The following ADGRL2 variants were observed in gnomAD, a reference collection of about 807,000 sequenced individuals.
ADGRL2 encodes calcium-independent alpha-latrotoxin receptor 2.
In ADGRL2, 44 loss-of-function variants were observed where a neutral mutation model predicts 157.4. The observed-to-expected ratio is 0.28, with a 90% CI of 0.22 to 0.36. The LOEUF (loss-of-function observed/expected upper bound fraction) is 0.36, where lower values mean the gene tolerates loss of function less well. ADGRL2 is among the 10% of genes least tolerant of loss of function. The probability of loss-of-function intolerance (pLI) is 1.00; values close to 1 mark genes in which losing one functional copy is unlikely to be tolerated. For missense variants in ADGRL2, 1,510 were observed against 1,768.9 expected (o/e 0.85, Z 2.63); for synonymous variants, 585 against 624.7 (o/e 0.94, Z 0.95).
At chr1:81,437,287 C>CA (rs35785361) in intron 1 of ADGRL2, among the ~76,000 whole-genome samples, 5,258 of 151,362 alleles carry the variant, frequency 0.035, 101 homozygotes, top group Middle Eastern at 0.065. Flanking sequence ...ACTGTTTTTA[C>CA]AAAAAAAAGG....
chr1:81,677,990 T>C (rs1191494344), intron 3 of ADGRL2, among the ~76,000 whole-genome samples: 2 of 152,230 alleles, frequency 1.3e-5, no homozygotes, highest in East Asian at 3.9e-4. Context: ...TTGCACTTGC[T>C]GTTCCCTTTT....
At chr1:81,392,219 C>T (rs2076572317) in intron 1 of ADGRL2, among the ~76,000 whole-genome samples, 1 of 74,968 alleles carries the variant, frequency 1.3e-5, no homozygotes, top group Non-Finnish European at 3.2e-5. Context: ...CCTCCTACCC[C>T]ATCCCCACAA....
intron 2 of ADGRL2, among the ~76,000 whole-genome samples, chr1:81,875,658 G>A (rs1571851522): frequency 6.6e-6 from 1 of 152,176 alleles, no homozygotes; most frequent in South Asian, 2.1e-4. Context: ...CTTCTTACAT[G>A]TCCATAATGG....
intron 11 of ADGRL2, among the ~76,000 whole-genome samples, chr1:81,959,510 T>A (rs1654641775): frequency 6.6e-6 from 1 of 152,118 alleles, no homozygotes; most frequent in South Asian, 2.1e-4. Flanking sequence ...TTTTAAAAAT[T>A]CACCTTACTG....
rs371727658 is a variant in ADGRL2 at position 81,819,050 on chromosome 1, TA to T, written c.-100-17834del. On this transcript the variant is annotated intron_variant, in intron 1 of 23. Transcript: ENST00000686636. ...AGCCTGCTCTTTTAAGATTCTCTTG[TA>T]GGCCACAAAATGTTGTTGATATTTT... Among the ~76,000 whole-genome samples the T allele has an allele frequency of 1.2e-3, 178 of 152,280 alleles. 7 individuals are homozygous for T. In the South Asian group the frequency reaches 0.034, roughly 29 times the overall value.
chr1:81,432,460 G>C (rs1420583587), intron 1 of ADGRL2, among the ~76,000 whole-genome samples: 1 of 152,214 alleles, frequency 6.6e-6, no homozygotes, highest in Non-Finnish European at 1.5e-5. Context: ...ACTGTTTTCT[G>C]TAATTATGTT....
intron 3 of ADGRL2, among the ~76,000 whole-genome samples, chr1:81,620,547 C>A (rs2081767865): frequency 6.6e-6 from 1 of 152,228 alleles, no homozygotes; most frequent in African/African-American, 2.4e-5. Flanking sequence ...ATAGTCTCAT[C>A]TAAAACATAG....
At chr1:81,649,773 T>A (rs550112006) in intron 3 of ADGRL2, among the ~76,000 whole-genome samples, 1 of 152,148 alleles carries the variant, frequency 6.6e-6, no homozygotes, top group African/African-American at 2.4e-5. Context: ...AAGGTCATGA[T>A]GAGGAGCACA....
At chr1:81,696,223 A>AT (rs904144516), upstream of ADGRL2, among the ~76,000 whole-genome samples, 10 of 151,466 alleles carry the variant, frequency 6.6e-5, no homozygotes, top group East Asian at 1.9e-4. Flanking sequence ...GGCTATGTAG[A>AT]TTTTTTTTTC....
At chr1:81,404,940 T>C (rs1331276979) in intron 1 of ADGRL2, among the ~76,000 whole-genome samples, 1 of 152,204 alleles carries the variant, frequency 6.6e-6, no homozygotes, top group Non-Finnish European at 1.5e-5. Flanking sequence ...TAATTGACTA[T>C]AAATATGGCT....
chr1:81,557,505 GA>G (rs113535247), intron 2 of ADGRL2: 5 of 98,046 alleles, frequency 5.1e-5, no homozygotes, highest in African/African-American at 2.0e-4. Context: ...AAGAAAGAAA[GA>G]AAGAAAGAAA....
intron 3 of ADGRL2, among the ~76,000 whole-genome samples, chr1:81,677,527 G>C (rs2083022130): frequency 6.6e-6 from 1 of 152,154 alleles, no homozygotes. Flanking sequence ...TTTTCCCTTA[G>C]AAGCATCACC....
intron 1 of ADGRL2, among the ~76,000 whole-genome samples, chr1:81,710,589 C>T (rs980607014): frequency 2.7e-5 from 4 of 146,992 alleles, no homozygotes; most frequent in Non-Finnish European, 4.5e-5. Flanking sequence ...CACTGCACTC[C>T]AGCCTGGGTG....
intron 1 of ADGRL2, among the ~76,000 whole-genome samples, chr1:81,801,861 G>A (rs2088217439): frequency 1.3e-5 from 2 of 152,126 alleles, no homozygotes; most frequent in Admixed American, 1.3e-4. Context: ...CACCCCTTTC[G>A]CTCTGATTCC....
At chr1:81,906,124 A>C (rs761895019) in intron 2 of ADGRL2, among the ~76,000 whole-genome samples, 1 of 152,284 alleles carries the variant, frequency 6.6e-6, no homozygotes, top group Middle Eastern at 3.4e-3. Flanking sequence ...CACATGCTAC[A>C]GTACTCTCCA....
intron 1 of ADGRL2, among the ~76,000 whole-genome samples, chr1:81,430,439 A>G (rs1233855329): frequency 6.6e-6 from 1 of 152,098 alleles, no homozygotes; most frequent in Non-Finnish European, 1.5e-5. Flanking sequence ...ATCTGTTTCC[A>G]GTTAGAGGAT....
intron 5 of ADGRL2, 46 bp downstream of exon 5, chr1:81,942,091 A>G (rs756213650): frequency 2.1e-5 from 15 of 729,852 alleles, no homozygotes; most frequent in Non-Finnish European, 3.1e-5. Context: ...TATGTGCCTT[A>G]TGGATGTTAA....
intron 1 of ADGRL2, among the ~76,000 whole-genome samples, chr1:81,384,465 T>C (rs749527725): frequency 6.6e-6 from 1 of 152,170 alleles, no homozygotes; most frequent in African/African-American, 2.4e-5. Context: ...GGAGTGGGTA[T>C]GTGAAGGTAG....
intron 2 of ADGRL2, among the ~76,000 whole-genome samples, chr1:81,559,068 T>G (rs2080380405): frequency 6.6e-6 from 1 of 152,158 alleles, no homozygotes; most frequent in African/African-American, 2.4e-5. Context: ...TTTCTGTCAT[T>G]CTGTAAGGAG....
Sources: allele counts gnomAD v4.1 joint callset (sites outside exome capture counted in the v4.1 genomes callset), GRCh38; gene constraint gnomAD v4.1.1; transcripts MANE v1.5; gene names NCBI Gene and HGNC (gene_info 2026-07-23, HGNC 2026-07-21).